Variants in BMP6 observed in about 807,000 individuals in gnomAD.
BMP6 encodes VG-1-R.
Under a neutral mutation model 54.1 loss-of-function variants are expected in BMP6, and 17 were observed. The observed-to-expected ratio is 0.31, with a 90% CI of 0.22 to 0.47. The LOEUF is 0.47. Ranked by LOEUF, BMP6 falls within the 20% of genes least tolerant of loss-of-function variation. The pLI is 1.00. For missense variants in BMP6, 720 were observed against 690.4 expected, an observed-to-expected ratio of 1.04 and a Z score of -0.48; for synonymous variants, 328 against 291.2, an observed-to-expected ratio of 1.13 and a Z score of -1.28.
intron 1 of BMP6, among the ~76,000 whole-genome samples, chr6:7,841,007 A>G (rs1314463979): frequency 6.6e-6 from 1 of 152,152 alleles, no homozygotes; most frequent in Non-Finnish European, 1.5e-5. Context: ...GACATACTCC[A>G]AGCTCCGAGG....
intron 1 of BMP6, among the ~76,000 whole-genome samples, chr6:7,800,573 T>C (rs1758254561): frequency 6.6e-6 from 1 of 152,164 alleles, no homozygotes; most frequent in Admixed American, 6.5e-5. Flanking sequence ...AGGTCTTTGT[T>C]TTCTTCTTAT....
At chr6:7,745,973 AAAAGAG>A (rs750362780) in intron 1 of BMP6, among the ~76,000 whole-genome samples, 8 of 145,376 alleles carry the variant, frequency 5.5e-5, no homozygotes, top group Non-Finnish European at 1.2e-4. Flanking sequence ...TCTCAAGAAA[AAAAGAG>A]AGAGAGAGAA....
intron 1 of BMP6, among the ~76,000 whole-genome samples, chr6:7,830,751 C>G (rs896940528): frequency 6.6e-5 from 10 of 152,232 alleles, no homozygotes; most frequent in African/African-American, 2.2e-4. Context: ...GGGAAATGCC[C>G]TTTATGAAAT....
intron 1 of BMP6, among the ~76,000 whole-genome samples, chr6:7,822,303 A>G (rs1758623759): frequency 1.3e-5 from 2 of 152,208 alleles, no homozygotes; most frequent in African/African-American, 2.4e-5. Flanking sequence ...TACAGGCGTG[A>G]GCCACCGCAC....
intron 1 of BMP6, among the ~76,000 whole-genome samples, chr6:7,761,965 T>G (rs1450234309): frequency 6.6e-6 from 1 of 152,092 alleles, no homozygotes; most frequent in African/African-American, 2.4e-5. Context: ...TGGTGTGATC[T>G]CAGCTCACTG....
chr6:7,816,169 TA>T (rs1203789738), intron 1 of BMP6, among the ~76,000 whole-genome samples: 1 of 152,244 alleles, frequency 6.6e-6, no homozygotes, highest in Admixed American at 6.5e-5. Context: ...TGTGTGTACT[TA>T]CACCATTGTT....
intron 1 of BMP6, among the ~76,000 whole-genome samples, chr6:7,816,307 C>G (rs372185305): frequency 2.6e-5 from 4 of 152,186 alleles, no homozygotes; most frequent in Non-Finnish European, 2.9e-5. Flanking sequence ...GTGGGCTCTT[C>G]GTTTAATCCC....
intron 1 of BMP6, among the ~76,000 whole-genome samples, chr6:7,754,984 C>G (rs1657072231): frequency 6.6e-6 from 1 of 152,216 alleles, no homozygotes. Flanking sequence ...TCCCAAAGTG[C>G]TGGGATTACA....
intron 1 of BMP6, among the ~76,000 whole-genome samples, chr6:7,779,628 C>T (rs1173434792): frequency 6.6e-6 from 1 of 152,204 alleles, no homozygotes; most frequent in African/African-American, 2.4e-5. Context: ...GCGTGAGCCA[C>T]TGAGCCCAGC....
In BMP6 at chr6:7,727,488, C is replaced by T; in HGVS notation, c.533C>T (p.Ala178Val). The stretch of plus-strand genomic sequence containing the variant: ...CAGCGTCGGCAGCCGCCCCCGGGCG[C>T]CGCGCACCCGCTCAACCGCAAGAGC... ...SSQRRQPPPGAAHPLNRKSLL... is the reference protein window; with the variant it reads ...SSQRRQPPPGVAHPLNRKSLL... Residue 178 changes from alanine to valine, a missense_variant, in exon 1 of 7, where the codon GCC becomes GTC. By Grantham distance (64) the Ala-to-Val change is moderately conservative. Transcript: ENST00000283147. The T allele has an allele frequency of 6.3e-7, 1 of 1,594,212 alleles. No individual in the cohort carries two copies. Among genetic ancestry groups the T allele is most frequent in the Non-Finnish European group, 8.5e-7 (1 of 1,175,694 alleles).
chr6:7,738,301 A>G (rs2113112935), intron 1 of BMP6, among the ~76,000 whole-genome samples: 1 of 152,034 alleles, frequency 6.6e-6, no homozygotes, highest in South Asian at 2.1e-4. Context: ...CTGCCCCCAC[A>G]CCCACTCCTG....
intron 1 of BMP6, among the ~76,000 whole-genome samples, chr6:7,776,146 T>A (rs1757859153): frequency 6.6e-6 from 1 of 152,248 alleles, no homozygotes; most frequent in Non-Finnish European, 1.5e-5. Flanking sequence ...GTTTGACTTC[T>A]TAGGGGCAGT....
intron 1 of BMP6, among the ~76,000 whole-genome samples, chr6:7,812,474 T>C (rs1758449447): frequency 6.6e-6 from 1 of 152,168 alleles, no homozygotes; most frequent in Admixed American, 6.5e-5. Context: ...GGAGACTGTA[T>C]AATGTACATG....
chr6:7,793,058 G>C (rs1175729583), intron 1 of BMP6, among the ~76,000 whole-genome samples: 1 of 152,110 alleles, frequency 6.6e-6, no homozygotes, highest in Non-Finnish European at 1.5e-5. Context: ...ACTTCTGCCT[G>C]ATGGGAGAAA....
At chr6:7,788,319 A>G (rs1489531918) in intron 1 of BMP6, among the ~76,000 whole-genome samples, 1 of 152,190 alleles carries the variant, frequency 6.6e-6, no homozygotes, top group Admixed American at 6.5e-5. Context: ...TGCATCCTGT[A>G]TGGAAAGAAC....
intron 1 of BMP6, among the ~76,000 whole-genome samples, chr6:7,763,835 TC>T (rs1460442877): frequency 2.0e-5 from 3 of 152,150 alleles, no homozygotes; most frequent in African/African-American, 7.2e-5. Context: ...ATGGTGACCT[TC>T]TCTCTGCCCA....
chr6:7,768,316 C>T (rs1256911374), intron 1 of BMP6, among the ~76,000 whole-genome samples: 2 of 152,168 alleles, frequency 1.3e-5, no homozygotes, highest in African/African-American at 4.8e-5. Flanking sequence ...ACTGGGTCGC[C>T]CTGGAGTTTT....
intron 4 of BMP6, among the ~76,000 whole-genome samples, chr6:7,876,244 G>A (rs1299446460): frequency 6.6e-6 from 1 of 152,064 alleles, no homozygotes; most frequent in Non-Finnish European, 1.5e-5. Flanking sequence ...TATCCATTTT[G>A]TGTTTCTTAG....
intron 4 of BMP6, among the ~76,000 whole-genome samples, chr6:7,876,215 G>A (rs1325390908): frequency 5.3e-5 from 8 of 152,062 alleles, no homozygotes; most frequent in Admixed American, 1.3e-4. Context: ...TTTTTAATGT[G>A]TATTTTTGTT....
Sources: gnomAD v4.1 joint callset for allele counts (sites outside exome capture counted in the v4.1 genomes callset) on GRCh38, gnomAD v4.1.1 for gene constraint, MANE v1.5 for transcripts, NCBI Gene and HGNC (gene_info 2026-07-23, HGNC 2026-07-21) for gene names.